ARMC8: variants seen among roughly 807,000 people sequenced by gnomAD.
ARMC8 encodes the protein armadillo repeat containing 8.
Under a neutral mutation model 99.3 loss-of-function variants are expected in ARMC8, and 20 were observed. The ratio of observed to expected loss-of-function variants is 0.20; its 90% confidence interval spans 0.14 to 0.29. The LOEUF is 0.29. ARMC8 is among the 10% of genes least tolerant of loss of function. The pLI, the probability that ARMC8 is intolerant of heterozygous loss-of-function variation, is 1.00. For synonymous variants in ARMC8, 263 were observed against 278.3 expected (o/e 0.95, Z 0.55); for missense variants, 569 against 809.5 (o/e 0.70, Z 3.60).
At chr3:138,279,056 T>C (rs1023096503) in intron 18 of ARMC8, among the ~76,000 whole-genome samples, 14 of 152,190 alleles carry the variant, frequency 9.2e-5, no homozygotes, top group Non-Finnish European at 1.3e-4. Flanking sequence ...GAACTTGCAG[T>C]GTAATGAGAT....
At chr3:138,280,515 A>G (rs2049791118) in intron 18 of ARMC8, among the ~76,000 whole-genome samples, 1 of 142,906 alleles carries the variant, frequency 7.0e-6, no homozygotes. Flanking sequence ...TTTTTTTGAG[A>G]CAGTCTCTCG....
intron 12 of ARMC8, among the ~76,000 whole-genome samples, chr3:138,251,940 T>A (rs902489214): frequency 1.3e-5 from 2 of 152,178 alleles, no homozygotes; most frequent in African/African-American, 4.8e-5. Context: ...GATCTGTAAA[T>A]CTAAATGTTG....
chr3:138,245,639 C>T, intron 12 of ARMC8: 2 of 996,596 alleles, frequency 2.0e-6, no homozygotes, highest in Non-Finnish European at 2.4e-6. Flanking sequence ...ATTTTTTTTG[C>T]TACTGTGCAA....
Position 138,187,552 on chromosome 3 carries a change from A to G in ARMC8, c.-3A>G. On this transcript the variant is annotated 5_prime_UTR_variant, in exon 1 of 22. Coordinates refer to ENST00000469044, the MANE Select transcript of ARMC8 (RefSeq NM_001363941.2). ...CTGCAGCAGCCGGGTGGGAAGGCTC[A>G]AGATGGCGTGCTTGTTGGAGACCCC... The G allele has an allele frequency of 6.5e-7, 1 of 1,535,852 alleles. No individual in the cohort carries two copies. The highest frequency in any genetic ancestry group is 8.7e-7 in the Non-Finnish European group (1 of 1,146,708).
chr3:138,243,118 AC>A (rs2046705878), intron 11 of ARMC8, among the ~76,000 whole-genome samples: 1 of 152,216 alleles, frequency 6.6e-6, no homozygotes, highest in Non-Finnish European at 1.5e-5. Context: ...CCCTGAGTTG[AC>A]CACCCCAGGA....
chr3:138,269,129 G>A (rs1361775217), intron 15 of ARMC8, among the ~76,000 whole-genome samples: 3 of 152,160 alleles, frequency 2.0e-5, no homozygotes, highest in African/African-American at 7.2e-5. Flanking sequence ...GCGGATCTGG[G>A]AAAAGAATAT....
chr3:138,269,820 C>CA, intron 15 of ARMC8, among the ~76,000 whole-genome samples: 1 of 121,670 alleles, frequency 8.2e-6, no homozygotes, highest in Non-Finnish European at 1.7e-5. Context: ...TGTTTTCTTT[C>CA]TTTTTTTTTT....
At chr3:138,230,370 G>T (rs934580874) in intron 6 of ARMC8, among the ~76,000 whole-genome samples, 1 of 152,158 alleles carries the variant, frequency 6.6e-6, no homozygotes, top group East Asian at 1.9e-4. Flanking sequence ...TTTTTCAGGG[G>T]CTGGGTGCAG....
chr3:138,223,315 A>G (rs910517204), intron 3 of ARMC8, 74 bp from the exon 4 acceptor site: 1 of 1,423,932 alleles, frequency 7.0e-7, no homozygotes, highest in Non-Finnish European at 9.7e-7. Flanking sequence ...TGTGGACTGC[A>G]CAGCCTTTTT....
At chr3:138,240,661 G>A (rs1427465372) in intron 10 of ARMC8, among the ~76,000 whole-genome samples, 3 of 152,180 alleles carry the variant, frequency 2.0e-5, no homozygotes, top group South Asian at 4.1e-4. Context: ...TAGGAAATTA[G>A]TAGTGAACGA....
intron 6 of ARMC8, among the ~76,000 whole-genome samples, chr3:138,234,574 C>A (rs2046235812): frequency 2.6e-5 from 4 of 152,136 alleles, no homozygotes. Flanking sequence ...TTTTACAATT[C>A]ATTTTTAGAG....
At chr3:138,189,999 T>C (rs1576553212) in intron 1 of ARMC8, among the ~76,000 whole-genome samples, 1 of 152,304 alleles carries the variant, frequency 6.6e-6, no homozygotes, top group South Asian at 2.1e-4. Flanking sequence ...GTTGTTAAGC[T>C]CTGTTGCTTC....
intron 21 of ARMC8, 21 bp downstream of exon 21, chr3:138,290,660 G>C (rs2050847572): frequency 1.3e-6 from 2 of 1,532,488 alleles, no homozygotes; most frequent in Non-Finnish European, 1.8e-6. Context: ...ATGTGAAAAG[G>C]CCTTGCTTTG....
chr3:138,231,915 T>G (rs2046056538), intron 6 of ARMC8, among the ~76,000 whole-genome samples: 1 of 144,578 alleles, frequency 6.9e-6, no homozygotes, highest in Non-Finnish European at 1.5e-5. Flanking sequence ...AAATGACAGA[T>G]CCTCCTCACT....
At chr3:138,272,004 C>T (rs2048849840) in intron 16 of ARMC8, among the ~76,000 whole-genome samples, 2 of 152,068 alleles carry the variant, frequency 1.3e-5, no homozygotes, top group South Asian at 4.1e-4. Flanking sequence ...TAAGTTGTTA[C>T]TTGGAATTTA....
chr3:138,262,282 A>C (rs950575407), intron 12 of ARMC8: 1 of 428,524 alleles, frequency 2.3e-6, no homozygotes, highest in South Asian at 3.7e-5. Context: ...GTGATTGTGC[A>C]TATCAGTAAG....
intron 16 of ARMC8, among the ~76,000 whole-genome samples, chr3:138,270,472 G>A (rs2108295731): frequency 6.6e-6 from 1 of 152,188 alleles, no homozygotes; most frequent in East Asian, 1.9e-4. Context: ...TATCTCCTTT[G>A]CTCTTCAGAA....
At chr3:138,228,264 GCCA>G (rs1005468641) in intron 5 of ARMC8, among the ~76,000 whole-genome samples, 23 of 152,246 alleles carry the variant, frequency 1.5e-4, no homozygotes, top group Admixed American at 4.6e-4. Context: ...ACAGGCATGA[GCCA>G]CCGCTCCTGG....
intron 2 of ARMC8, among the ~76,000 whole-genome samples, chr3:138,210,497 T>C (rs2044631254): frequency 6.6e-6 from 1 of 152,196 alleles, no homozygotes; most frequent in Admixed American, 6.5e-5. Context: ...TTATTCCCTT[T>C]CCTTTGAGTT....
Sources: gnomAD v4.1 joint callset for allele counts (sites outside exome capture counted in the v4.1 genomes callset) on GRCh38, gnomAD v4.1.1 for gene constraint, MANE v1.5 for transcripts, NCBI Gene and HGNC (gene_info 2026-07-23, HGNC 2026-07-21) for gene names.